Variants in MAP2K5 observed in about 807,000 individuals in gnomAD.
MAP2K5 encodes the protein dual specificity mitogen-activated protein kinase kinase 5.
A neutral mutation model predicts 83.1 loss-of-function variants in MAP2K5; 49 were observed. The ratio of observed to expected loss-of-function variants is 0.59; its 90% CI spans 0.47 to 0.75. The LOEUF (loss-of-function observed/expected upper bound fraction) is 0.75. MAP2K5 is among the 30% of genes least tolerant of loss of function. The pLI, the probability that MAP2K5 is intolerant of heterozygous loss-of-function variation, is 0.00. For synonymous variants in MAP2K5, 202 were observed against 191.8 expected (o/e 1.05, Z -0.44); for missense variants, 457 against 557.5 (o/e 0.82, Z 1.82).
In MAP2K5 at chr15:67,585,878, T is replaced by C; in HGVS notation, c.323-12T>C. ...CTGATGTGTTCTACAATTTAGTCAA[T>C]TACTGTTTCAGCCTGCAAGCCTCCT... On this transcript the variant is annotated splice_polypyrimidine_tract_variant and intron_variant, in intron 4 of 21. Transcript: ENST00000178640. The C allele has an allele frequency of 6.2e-7, 1 of 1,613,296 alleles. No homozygotes were observed.
Position 67,769,622 on chromosome 15 carries a change from T to C in MAP2K5, c.1155T>C (p.Val385=). Residue 385 remains valine (V), a synonymous_variant, in exon 20 of 22, where the codon GTT becomes GTC. Transcript: ENST00000178640. The surrounding 1 kb of genome is among the most constrained non-coding windows in gnomAD (Gnocchi z 5.2). ...CACAGGATTCGCCCGTCCTTCCAGT[T>C]GGAGAGTTCTCGGAGCCATTTGTAC... ...IVDEDSPVLP[V]GEFSEPFVHF... 1.2e-6 allele frequency: 2 copies of C among 1,613,822 alleles called. No individual in the cohort carries two copies. Among genetic ancestry groups the C allele is most frequent in the Non-Finnish European group, 1.7e-6 (2 of 1,179,774 alleles).
At chr15:67,735,379 T>C (rs977900657) in intron 17 of MAP2K5, among the ~76,000 whole-genome samples, 11 of 152,240 alleles carry the variant, frequency 7.2e-5, no homozygotes, top group African/African-American at 1.9e-4. Context: ...TCCTGTGTTG[T>C]TTGAAAGCAC....
chr15:67,596,472 G>T (rs1398266676), intron 7 of MAP2K5, among the ~76,000 whole-genome samples: 1 of 152,124 alleles, frequency 6.6e-6, no homozygotes, highest in Non-Finnish European at 1.5e-5. Flanking sequence ...AAGGGAGGGG[G>T]AATATATATC....
Position 67,587,693 on chromosome 15 carries a change from T to C in MAP2K5, c.431+780T>C, listed in dbSNP as rs1208074521. On this transcript the variant is annotated intron_variant, in intron 6 of 21. Transcript: ENST00000178640. The surrounding 1 kb of genome is among the most constrained non-coding windows in gnomAD (Gnocchi z 4.8). ...TTTTAGTTAAGCCCTCAGAACGTGG[T>C]TGTTCCCTCTTCCAGGTCAACAGCT... 6.6e-6 allele frequency among the ~76,000 whole-genome samples: 1 copy of C among 152,214 alleles called. No homozygotes were observed. Among genetic ancestry groups the C allele is most frequent in the Non-Finnish European group, 1.5e-5 (1 of 68,034 alleles).
At chr15:67,574,608 T>A (rs1196290850) in intron 3 of MAP2K5, among the ~76,000 whole-genome samples, 1 of 131,852 alleles carries the variant, frequency 7.6e-6, no homozygotes, top group African/African-American at 2.9e-5. Context: ...GTGGCTCACA[T>A]CTGTAATCCC....
In MAP2K5 at chr15:67,802,368, G is replaced by C. The variant is rs190109581; in HGVS notation, c.1243-4278G>C. ...TTGTGCTTCTCAGCCCTGTTGGTGA[G>C]GGTGTCTGCCCAGGTGATGCCGGCA... On this transcript the variant is annotated intron_variant, in intron 21 of 21. Coordinates refer to ENST00000178640, the MANE Select transcript of MAP2K5 (RefSeq NM_145160.3). The surrounding 1 kb of genome is among the most constrained non-coding windows in gnomAD (Gnocchi z 5.0). Among the ~76,000 whole-genome samples the C allele has an allele frequency of 1.1e-4, 16 of 152,316 alleles. No homozygotes were observed. The highest frequency in any genetic ancestry group is 3.8e-4 in the African/African-American group (16 of 41,562).
chr15:67,789,670 G>A (rs994380860), intron 21 of MAP2K5, among the ~76,000 whole-genome samples: 3 of 151,304 alleles, frequency 2.0e-5, no homozygotes, highest in African/African-American at 7.3e-5. Flanking sequence ...AGCCGAGATC[G>A]CACCATTGCA....
At chr15:67,740,242 A>G (rs540688707) in intron 17 of MAP2K5, among the ~76,000 whole-genome samples, 2 of 152,322 alleles carry the variant, frequency 1.3e-5, no homozygotes, top group South Asian at 4.2e-4. Flanking sequence ...AGGACTTAAT[A>G]AACATATATG....
At position 67,565,574 on chromosome 15, in the gene MAP2K5, C is replaced by A. The variant is rs1465435709; in HGVS notation, c.252+2224C>A. The stretch of plus-strand genomic sequence containing the variant: ...CTGAATAATTTGGGTTTATATAATA[C>A]CTTAGTTGTGATTTCTGCACCATGT... On this transcript the variant is annotated intron_variant, in intron 3 of 21. Coordinates refer to ENST00000178640, the MANE Select transcript of MAP2K5 (RefSeq NM_145160.3). This position sits in a 1 kb window ranked among gnomAD's most constrained non-coding sequence, Gnocchi z 4.1. Among the ~76,000 whole-genome samples the A allele has an allele frequency of 2.0e-5, 3 of 151,838 alleles. No homozygotes were observed. In the East Asian group the frequency reaches 5.8e-4, roughly 29 times the overall value.
intron 3 of MAP2K5, among the ~76,000 whole-genome samples, chr15:67,571,382 G>T (rs2084944004): frequency 6.6e-6 from 1 of 152,130 alleles, no homozygotes. Context: ...CACAATACCT[G>T]TTTACTTTAT....
intron 11 of MAP2K5, among the ~76,000 whole-genome samples, chr15:67,657,216 T>G (rs1380404132): frequency 6.6e-6 from 1 of 152,142 alleles, no homozygotes; most frequent in African/African-American, 2.4e-5. Context: ...CATTGTCCAT[T>G]TAGTTAATTA....
At chr15:67,616,632 T>G (rs1009314848) in intron 8 of MAP2K5, among the ~76,000 whole-genome samples, 2 of 152,168 alleles carry the variant, frequency 1.3e-5, no homozygotes, top group Non-Finnish European at 2.9e-5. Flanking sequence ...ACAAATACAT[T>G]TGTAACTTTT....
chr15:67,586,846 G>T lies in MAP2K5; in HGVS notation c.364G>T (p.Val122Leu), dbSNP rs1567291858. The change falls in exon 6 of 22, where the codon GTG (valine) becomes TTG (leucine). Residue 122 changes from valine to leucine, a missense_variant and splice_region_variant. By Grantham distance (32) the Val-to-Leu change is conservative. Around this residue, in one of 3 missense-constraint regions of MAP2K5, gnomAD observed 234 missense variants for 243.6 expected, o/e 0.96. Transcript: ENST00000178640. The stretch of plus-strand genomic sequence containing the variant: ...ATCAAGATTCTTTCTTTACTTATAG[G>T]TGAATACTCGGGCCGGACCCTCTCA... Reference protein sequence around the residue: ...PGERNIHGLKVNTRAGPSQHS... With the variant: ...PGERNIHGLKLNTRAGPSQHS... 6.2e-7 allele frequency: 1 copy of T among 1,613,924 alleles called. No individual in the cohort carries two copies. The highest frequency in any genetic ancestry group is 8.5e-7 in the Non-Finnish European group (1 of 1,179,872).
At chr15:67,591,776 T>C (rs1264164802) in intron 6 of MAP2K5, among the ~76,000 whole-genome samples, 1 of 152,092 alleles carries the variant, frequency 6.6e-6, no homozygotes, top group Non-Finnish European at 1.5e-5. Context: ...ATTATAAAGC[T>C]AGATGACTTA....
intron 3 of MAP2K5, among the ~76,000 whole-genome samples, chr15:67,571,909 G>A (rs1190355418): frequency 1.3e-5 from 2 of 152,180 alleles, no homozygotes; most frequent in African/African-American, 4.8e-5. Flanking sequence ...GGTGCAGTGA[G>A]CGTACAGTTC....
At chr15:67,731,225 C>A (rs2089212572) in intron 17 of MAP2K5, among the ~76,000 whole-genome samples, 1 of 152,142 alleles carries the variant, frequency 6.6e-6, no homozygotes, top group Admixed American at 6.5e-5. Flanking sequence ...TCCCCCAGCT[C>A]AGTGTCAGTG....
rs537309805 is a variant in MAP2K5, at chr15:67,720,317, C to T, written c.1045-7599C>T. Among the ~76,000 whole-genome samples the T allele has an allele frequency of 6.6e-6, 1 of 151,892 alleles. No homozygotes were observed. Among genetic ancestry groups the T allele is most frequent in the African/African-American group, 2.4e-5 (1 of 41,390 alleles). On this transcript the variant is annotated intron_variant, in intron 16 of 21. Coordinates refer to ENST00000178640, the MANE Select transcript of MAP2K5 (RefSeq NM_145160.3). The surrounding 1 kb of genome is among the most constrained non-coding windows in gnomAD (Gnocchi z 5.7). ...ATACACATACATACACACACATATG[C>T]TTATACATACATAAGTATATACATA... is the stretch of plus-strand genomic sequence containing the variant.
chr15:67,770,648 TA>T lies in MAP2K5; in HGVS notation c.1196+987del, dbSNP rs2090124413. ...CCCTTGGTTCTGTGGTGTGGCAAAG[TA>T]ATGTTATCAGGATTCTTGCTAACCA... is the stretch of plus-strand genomic sequence containing the variant. On this transcript the variant is annotated intron_variant, in intron 20 of 21. Transcript: ENST00000178640. The surrounding 1 kb of genome is among the most constrained non-coding windows in gnomAD (Gnocchi z 5.0). Among the ~76,000 whole-genome samples, 1 of 152,210 alleles carries T rather than the reference TA, an allele frequency of 6.6e-6. No individual in the cohort carries two copies. The highest frequency in any genetic ancestry group is 1.5e-5 in the Non-Finnish European group (1 of 68,032).
At chr15:67,792,822 G>T (rs1453788222) in intron 21 of MAP2K5, among the ~76,000 whole-genome samples, 1 of 152,164 alleles carries the variant, frequency 6.6e-6, no homozygotes, top group Non-Finnish European at 1.5e-5. Flanking sequence ...GGCCCAAAGC[G>T]GCCCCGTATG....
Sources: gnomAD v4.1 joint callset for allele counts (sites outside exome capture counted in the v4.1 genomes callset) on GRCh38, gnomAD v4.1.1 for gene constraint, gnomAD v4.1.1 regional missense constraint, Gnocchi (gnomAD v3.1) non-coding constraint, MANE v1.5 for transcripts, NCBI Gene and HGNC (gene_info 2026-07-23, HGNC 2026-07-21) for gene names.